The following CTNNA2 variants were observed in gnomAD, a reference collection of about 807,000 sequenced individuals.
The protein encoded by CTNNA2 is catenin alpha 2, also known as catenin alpha-2.
In CTNNA2, 42 loss-of-function variants were observed where a neutral mutation model predicts 101.0. The ratio of observed to expected loss-of-function variants is 0.42; its 90% CI spans 0.32 to 0.54. The LOEUF (loss-of-function observed/expected upper bound fraction) is 0.54, where lower values mean the gene tolerates loss of function less well. Among genes scored for constraint, CTNNA2 ranks in the 20% least tolerant of loss-of-function variants. CTNNA2 has a pLI of 0.14. For synonymous variants in CTNNA2, 450 were observed against 456.4 expected (o/e 0.99, Z 0.18); for missense variants, 871 against 1,223.1 (o/e 0.71, Z 4.29).
intron 7 of CTNNA2, among the ~76,000 whole-genome samples, chr2:80,279,495 G>A (rs556808133): frequency 1.9e-3 from 288 of 152,240 alleles, no homozygotes; most frequent in Non-Finnish European, 3.0e-3. Flanking sequence ...TGATTTCAAA[G>A]GCATCTTCCA....
In CTNNA2 at chr2:79,874,280, A is replaced by G; in HGVS notation, c.790A>G (p.Thr264Ala). 1.2e-6 allele frequency: 2 copies of G among 1,613,976 alleles called. No individual in the cohort carries two copies. The highest frequency in any genetic ancestry group is 1.7e-6 in the Non-Finnish European group (2 of 1,180,010). Reference protein sequence around the residue: ...ISNAAQATSPTDEAKGHTGIG... With the variant: ...ISNAAQATSPADEAKGHTGIG... Reference sequence around the variant, plus strand: ...CAATGCTGCTCAAGCTACCTCGCCCACTGACGAAGCCAAGGGCCACACGGG... The same window carrying G: ...CAATGCTGCTCAAGCTACCTCGCCCGCTGACGAAGCCAAGGGCCACACGGG... The change falls in exon 6 of 19, where the codon ACT becomes GCT. Residue 264 changes from threonine to alanine, a missense_variant. By Grantham distance (58) the Thr-to-Ala change is moderately conservative. Coordinates refer to ENST00000402739, the MANE Select transcript of CTNNA2 (RefSeq NM_001282597.3).
intron 7 of CTNNA2, among the ~76,000 whole-genome samples, chr2:80,362,460 T>A (rs1336064645): frequency 1.3e-5 from 2 of 152,138 alleles, no homozygotes; most frequent in African/African-American, 4.8e-5. Context: ...TTCTTGAATC[T>A]TTTTTCTCAT....
chr2:79,202,926 A>G (rs575899005), intron 2 of CTNNA2, among the ~76,000 whole-genome samples: 1 of 152,290 alleles, frequency 6.6e-6, no homozygotes, highest in South Asian at 2.1e-4. Flanking sequence ...GAGGGTCCTG[A>G]AGCATAGTAA....
At chr2:80,644,776 A>G (rs1673884563) in intron 18 of CTNNA2, among the ~76,000 whole-genome samples, 1 of 152,184 alleles carries the variant, frequency 6.6e-6, no homozygotes, top group Non-Finnish European at 1.5e-5. Context: ...ACCTTGCTGC[A>G]AATTCAAGAT....
chr2:79,850,606 C>T (rs1038165787), intron 3 of CTNNA2, among the ~76,000 whole-genome samples: 2 of 152,090 alleles, frequency 1.3e-5, no homozygotes, highest in Admixed American at 1.3e-4. Flanking sequence ...ATTTCTAAAG[C>T]ACTGGTTTTA....
intron 3 of CTNNA2, among the ~76,000 whole-genome samples, chr2:79,745,240 G>A (rs1461716053): frequency 6.6e-6 from 1 of 152,050 alleles, no homozygotes; most frequent in Non-Finnish European, 1.5e-5. Context: ...AGACCAGCCT[G>A]GGCAACACGG....
At chr2:79,860,033 T>G (rs929801931) in intron 4 of CTNNA2, among the ~76,000 whole-genome samples, 1 of 152,266 alleles carries the variant, frequency 6.6e-6, no homozygotes, top group Admixed American at 6.5e-5. Flanking sequence ...CTGGAACCAC[T>G]TGTAGGCTGC....
At chr2:79,969,851 G>C (rs1454275450) in intron 7 of CTNNA2, among the ~76,000 whole-genome samples, 6 of 152,116 alleles carry the variant, frequency 3.9e-5, no homozygotes, top group African/African-American at 1.4e-4. Context: ...TGGCTTTGTG[G>C]TTTCTAAGAT....
intron 7 of CTNNA2, among the ~76,000 whole-genome samples, chr2:79,982,368 T>TATATAAC (rs1553421149): frequency 6.2e-5 from 7 of 113,558 alleles, no homozygotes; most frequent in Admixed American, 3.4e-4. Flanking sequence ...CTATATAACA[T>TATATAAC]ATATATAACA....
At chr2:80,306,158 C>A (rs1287271113) in intron 7 of CTNNA2, among the ~76,000 whole-genome samples, 1 of 152,014 alleles carries the variant, frequency 6.6e-6, no homozygotes, top group African/African-American at 2.4e-5. Context: ...TTCATCTGAG[C>A]TCTGCCCTGG....
At chr2:80,456,471 G>A (rs1430290685) in intron 9 of CTNNA2, among the ~76,000 whole-genome samples, 1 of 152,176 alleles carries the variant, frequency 6.6e-6, no homozygotes, top group Non-Finnish European at 1.5e-5. Flanking sequence ...AGGCGGGATA[G>A]TGAGATCCCA....
chr2:79,786,507 G>A (rs183272517), intron 3 of CTNNA2, among the ~76,000 whole-genome samples: 29 of 150,208 alleles, frequency 1.9e-4, no homozygotes, highest in Admixed American at 6.6e-4. Context: ...TTCTTTTTTG[G>A]ATGTGTTGGG....
intron 7 of CTNNA2, among the ~76,000 whole-genome samples, chr2:80,003,001 A>G (rs374511): frequency 0.48 from 72,458 of 151,862 alleles, 18,536 homozygotes; most frequent in East Asian, 0.79. Context: ...CATCTGTAAG[A>G]CATTCCCTAC....
At chr2:79,719,510 A>T (rs1686337106) in intron 2 of CTNNA2, among the ~76,000 whole-genome samples, 1 of 152,168 alleles carries the variant, frequency 6.6e-6, no homozygotes, top group Non-Finnish European at 1.5e-5. Context: ...TGATATTCCC[A>T]CCAACAGTGC....
At chr2:79,699,104 A>G (rs1684827649) in intron 2 of CTNNA2, among the ~76,000 whole-genome samples, 1 of 152,098 alleles carries the variant, frequency 6.6e-6, no homozygotes. Context: ...TGTAGTACTA[A>G]CTAAAAAACT....
At chr2:79,602,962 A>T (rs1677645909) in intron 1 of CTNNA2, among the ~76,000 whole-genome samples, 2 of 152,196 alleles carry the variant, frequency 1.3e-5, no homozygotes, top group South Asian at 4.1e-4. Flanking sequence ...GACGAATCTG[A>T]AGTTCACATA....
intron 3 of CTNNA2, among the ~76,000 whole-genome samples, chr2:79,776,158 T>A (rs1673947575): frequency 6.6e-6 from 1 of 152,222 alleles, no homozygotes; most frequent in Admixed American, 6.5e-5. Flanking sequence ...CCTGAAATTT[T>A]AAAATGTGGA....
chr2:80,023,463 C>T (rs376412476), intron 7 of CTNNA2, among the ~76,000 whole-genome samples: 1 of 150,518 alleles, frequency 6.6e-6, no homozygotes, highest in Non-Finnish European at 1.5e-5. Flanking sequence ...TGGATTCAGG[C>T]TCTGTTTTTT....
At position 80,591,457 on chromosome 2, in the gene CTNNA2, G is replaced by GTTTTTTTTTTT. The variant is rs567131551; in HGVS notation, c.2189+1983_2189+1993dup. 6.1e-3 allele frequency among the ~76,000 whole-genome samples: 430 copies of GTTTTTTTTTTT among 70,288 alleles called. 52 individuals carry two copies. Among genetic ancestry groups the GTTTTTTTTTTT allele is most frequent in the African/African-American group, 0.016 (360 of 21,908 alleles). The allele number at this position is 70,288 out of a possible 152,430, so 46.1% of individuals were successfully genotyped here. A position where few individuals can be genotyped will look rare whatever the true frequency, so the allele number is the denominator to read the frequency against. ...ATTGCTGCCTCCATCTGCACAGCCTGTTTTTTTTTTTTTTTTTTTTTGCAA... is the reference window on the plus strand; with the variant it reads ...ATTGCTGCCTCCATCTGCACAGCCTGTTTTTTTTTTTTTTTTTTTTTTTTTTTTTTTTGCAA... On this transcript the variant is annotated intron_variant, in intron 15 of 18. Coordinates refer to ENST00000402739, the MANE Select transcript of CTNNA2 (RefSeq NM_001282597.3).
Sources: allele counts gnomAD v4.1 joint callset (sites outside exome capture counted in the v4.1 genomes callset), GRCh38; gene constraint gnomAD v4.1.1; transcripts MANE v1.5; gene names NCBI Gene and HGNC (gene_info 2026-07-23, HGNC 2026-07-21).